YAP1: variants seen among roughly 807,000 people sequenced by gnomAD.
The protein encoded by YAP1 is Yes1 associated transcriptional regulator.
Under a neutral mutation model 56.9 loss-of-function variants are expected in YAP1, and 5 were observed. That is an observed-to-expected ratio of 0.09 (90% confidence interval 0.05 to 0.18). YAP1 has a LOEUF of 0.18. Ranked by LOEUF, YAP1 falls within the 10% of genes least tolerant of loss-of-function variation. The pLI, the probability that YAP1 is intolerant of heterozygous loss-of-function variation, is 1.00. For missense variants in YAP1, 539 were observed against 651.8 expected (o/e 0.83, Z 1.88); for synonymous variants, 265 against 248.1 (o/e 1.07, Z -0.64).
At chr11:102,217,920 C>G (rs1949739133) in intron 6 of YAP1, among the ~76,000 whole-genome samples, 1 of 152,030 alleles carries the variant, frequency 6.6e-6, no homozygotes, top group Non-Finnish European at 1.5e-5. Context: ...AGGCTGGTCT[C>G]GAACTCCCAA....
chr11:102,183,211 G>A (rs527557905), intron 3 of YAP1, among the ~76,000 whole-genome samples: 2 of 152,344 alleles, frequency 1.3e-5, no homozygotes, highest in Admixed American at 1.3e-4. Context: ...ATGACTAAGA[G>A]TTTAGGAGGT....
chr11:102,182,424 G>A lies in YAP1; in HGVS notation c.689-3594G>A, dbSNP rs558973183. Reference sequence around the variant, plus strand: ...CATCCTAACCCTAGCCCAAACAGATGATTGAAACACATTTTCACTAAGTGT... The same window carrying A: ...CATCCTAACCCTAGCCCAAACAGATAATTGAAACACATTTTCACTAAGTGT... On this transcript the variant is annotated intron_variant, in intron 3 of 8. Transcript: ENST00000282441. Among the ~76,000 whole-genome samples the A allele has an allele frequency of 1.6e-3, 244 of 152,226 alleles. 1 individual carries two copies. Among genetic ancestry groups the A allele is most frequent in the Non-Finnish European group, 2.3e-3 (154 of 68,014 alleles).
At chr11:102,128,321 G>T (rs1247719692) in intron 2 of YAP1, among the ~76,000 whole-genome samples, 1 of 152,112 alleles carries the variant, frequency 6.6e-6, no homozygotes, top group Non-Finnish European at 1.5e-5. Flanking sequence ...ATGGGGTCTA[G>T]TCTTTCCCGT....
At chr11:102,213,479 C>G (rs1565276159) in intron 6 of YAP1, among the ~76,000 whole-genome samples, 1 of 152,138 alleles carries the variant, frequency 6.6e-6, no homozygotes, top group Non-Finnish European at 1.5e-5. Flanking sequence ...GAGCAAAACT[C>G]CGTCTTGAAA....
intron 4 of YAP1, among the ~76,000 whole-genome samples, chr11:102,187,919 T>C (rs1948064733): frequency 3.3e-5 from 5 of 152,250 alleles, no homozygotes; most frequent in Admixed American, 3.3e-4. Flanking sequence ...CCACCGTGTG[T>C]GTATTCCAGA....
intron 2 of YAP1, among the ~76,000 whole-genome samples, chr11:102,132,022 G>T (rs1293596058): frequency 6.6e-6 from 1 of 152,182 alleles, no homozygotes. Context: ...GGAGGCTGAG[G>T]CAGGAGAATC....
chr11:102,187,073 G>A lies in YAP1; in HGVS notation c.802+942G>A, dbSNP rs1455612201. Among the ~76,000 whole-genome samples, 3 of 152,086 alleles carry A rather than the reference G, an allele frequency of 2.0e-5. No homozygotes were observed. The South Asian group carries it at 6.2e-4, about 32-fold the overall frequency. ...CTAACAACAACTGCGGGGCCCTCAC[G>A]GGAAAGAGGAATTAACTCTGTGAAT... On this transcript the variant is annotated intron_variant, in intron 4 of 8. Coordinates refer to ENST00000282441, the MANE Select transcript of YAP1 (RefSeq NM_001130145.3).
intron 5 of YAP1, among the ~76,000 whole-genome samples, chr11:102,206,336 A>G (rs1949118566): frequency 6.6e-6 from 1 of 152,206 alleles, no homozygotes; most frequent in Non-Finnish European, 1.5e-5. Context: ...TTGAGCAAAA[A>G]TTGAAGGAAG....
intron 6 of YAP1, among the ~76,000 whole-genome samples, chr11:102,211,340 G>C (rs901476655): frequency 1.3e-5 from 2 of 152,050 alleles, no homozygotes; most frequent in African/African-American, 4.8e-5. Context: ...TTTTAGAAAA[G>C]GTGAGGCTTA....
intron 2 of YAP1, among the ~76,000 whole-genome samples, chr11:102,124,552 G>A (rs559469622): frequency 4.6e-5 from 7 of 152,012 alleles, no homozygotes; most frequent in East Asian, 1.9e-4. Flanking sequence ...ATTAGTTCCC[G>A]GGTAATTTCT....
At chr11:102,112,821 A>G (rs1016647321) in intron 1 of YAP1, 21 of 955,136 alleles carry the variant, frequency 2.2e-5, no homozygotes, top group East Asian at 1.2e-4. Context: ...CATGCACCCT[A>G]CAGACTGCAC....
At chr11:102,131,839 T>C (rs1313966660) in intron 2 of YAP1, among the ~76,000 whole-genome samples, 2 of 152,212 alleles carry the variant, frequency 1.3e-5, no homozygotes, top group Non-Finnish European at 2.9e-5. Context: ...TTTGTGGTAT[T>C]ATAAATTTTG....
At chr11:102,195,498 C>T (rs1178722519) in intron 4 of YAP1, among the ~76,000 whole-genome samples, 1 of 152,104 alleles carries the variant, frequency 6.6e-6, no homozygotes, top group Non-Finnish European at 1.5e-5. Context: ...ACCCAAATCT[C>T]ATCTTGAATT....
rs745975049 is a variant in YAP1 at position 102,230,864 on chromosome 11, T to C, written c.*924T>C. On this transcript the variant is annotated 3_prime_UTR_variant, in exon 9 of 9. Coordinates refer to ENST00000282441, the MANE Select transcript of YAP1 (RefSeq NM_001130145.3). The stretch of plus-strand genomic sequence containing the variant: ...TCTCGATTATCTGCTCTCTCTTTTA[T>C]ATACATACACACACCCAAACATAAC... 2 of 152,256 alleles carry C rather than the reference T, an allele frequency of 1.3e-5. No homozygotes were observed. The highest frequency in any genetic ancestry group is 2.9e-5 in the Non-Finnish European group (2 of 68,040). 9.4% of individuals were successfully genotyped at this position (152,256 alleles called of 1,614,324 possible). A position where few individuals can be genotyped will look rare whatever the true frequency, so the allele number is the denominator to read the frequency against.
In YAP1 at chr11:102,111,076, G is replaced by A. The variant is rs1565411840; in HGVS notation, c.228G>A (p.Lys76=). The A allele has an allele frequency of 5.0e-6, 8 of 1,613,420 alleles. No homozygotes were observed. The highest frequency in any genetic ancestry group is 5.9e-6 in the Non-Finnish European group (7 of 1,179,836). The change falls in exon 1 of 9, where the codon AAG becomes AAA. Residue 76 remains lysine, a synonymous_variant. Coordinates refer to ENST00000282441, the MANE Select transcript of YAP1 (RefSeq NM_001130145.3). ...EALFNAVMNP[K]TANVPQTVPM... ...TCTTCAACGCCGTCATGAACCCCAA[G>A]ACGGCCAACGTGCCCCAGACCGTGC...
chr11:102,148,108 A>C (rs1945424961), intron 2 of YAP1, among the ~76,000 whole-genome samples: 1 of 152,196 alleles, frequency 6.6e-6, no homozygotes, highest in Admixed American at 6.5e-5. Flanking sequence ...TAGACACTTA[A>C]GAATTTTGAA....
At chr11:102,184,352 G>C (rs1469977295) in intron 3 of YAP1, among the ~76,000 whole-genome samples, 1 of 152,148 alleles carries the variant, frequency 6.6e-6, no homozygotes, top group Non-Finnish European at 1.5e-5. Context: ...GACAGTGAAA[G>C]CTGGTGAGAA....
At chr11:102,134,081 T>G (rs1223848577) in intron 2 of YAP1, among the ~76,000 whole-genome samples, 2 of 152,190 alleles carry the variant, frequency 1.3e-5, no homozygotes, top group African/African-American at 4.8e-5. Context: ...GTCAGCACAT[T>G]GAGGGATTAG....
At chr11:102,112,341 T>A in intron 1 of YAP1, 1 of 921,768 alleles carries the variant, frequency 1.1e-6, no homozygotes, top group South Asian at 5.0e-5. Flanking sequence ...AAACTGTTTA[T>A]AATGAGTGTT....
Sources: gnomAD v4.1 joint callset for allele counts (sites outside exome capture counted in the v4.1 genomes callset) on GRCh38, gnomAD v4.1.1 for gene constraint, MANE v1.5 for transcripts, NCBI Gene and HGNC (gene_info 2026-07-23, HGNC 2026-07-21) for gene names.